Variants in SPOCK3 observed in about 807,000 individuals in gnomAD.
SPOCK3 encodes SPARC (osteonectin), cwcv and kazal like domains proteoglycan 3, also known as testican-3.
SPOCK3 carries 30 observed loss-of-function variants against 56.6 expected under a neutral mutation model. The observed-to-expected ratio is 0.53, with a 90% CI of 0.40 to 0.72. SPOCK3 has a LOEUF of 0.72. SPOCK3 is among the 30% of genes least tolerant of loss of function. The pLI is 0.00. For synonymous variants in SPOCK3, 196 were observed against 183.3 expected, an observed-to-expected ratio of 1.07 and a Z score of -0.56; for missense variants, 527 against 530.0, an observed-to-expected ratio of 0.99 and a Z score of 0.06.
chr4:166,972,346 AT>A (rs1479677113), intron 4 of SPOCK3, among the ~76,000 whole-genome samples: 2 of 152,160 alleles, frequency 1.3e-5, no homozygotes, highest in Admixed American at 1.3e-4. Context: ...GCTGGCCTTC[AT>A]CACTCAGCAA....
At chr4:166,851,860 C>T (rs1319075573) in intron 6 of SPOCK3, among the ~76,000 whole-genome samples, 14 of 151,492 alleles carry the variant, frequency 9.2e-5, no homozygotes, top group South Asian at 2.1e-4. Flanking sequence ...ATGTTTATTG[C>T]GGCATTATTC....
intron 3 of SPOCK3, among the ~76,000 whole-genome samples, chr4:167,024,228 T>G (rs1751475874): frequency 6.6e-6 from 1 of 152,042 alleles, no homozygotes; most frequent in Admixed American, 6.6e-5. Context: ...CTTTAATTAC[T>G]GATTTGTACA....
chr4:166,742,670 A>G lies in SPOCK3; in HGVS notation c.932-611T>C, dbSNP rs1735013198. 2.0e-5 allele frequency among the ~76,000 whole-genome samples: 3 copies of G among 152,246 alleles called. No individual in the cohort carries two copies. In the East Asian group the frequency reaches 5.8e-4, roughly 29 times the overall value. On this transcript the variant is annotated intron_variant, in intron 8 of 10. Transcript: ENST00000357545. ...CTTTTTAGTTTCAGCCATATATGCA[A>G]TTTAGGAACAGGATATAATATAAAA...
intron 4 of SPOCK3, among the ~76,000 whole-genome samples, chr4:166,928,341 A>G: frequency 6.6e-6 from 1 of 152,236 alleles, no homozygotes; most frequent in Non-Finnish European, 1.5e-5. Context: ...TCCTTCAGTA[A>G]GTGATTGAAT....
chr4:167,103,840 G>A (rs543151719), intron 2 of SPOCK3, among the ~76,000 whole-genome samples: 1 of 152,260 alleles, frequency 6.6e-6, no homozygotes, highest in Admixed American at 6.5e-5. Flanking sequence ...ACTGGTTGTG[G>A]CCACAGGGTT....
chr4:167,222,255 A>G (rs1286721836), intron 2 of SPOCK3, among the ~76,000 whole-genome samples: 3 of 152,014 alleles, frequency 2.0e-5, no homozygotes, highest in Admixed American at 1.3e-4. Context: ...AAATTCGTAG[A>G]AACAAAAAGT....
chr4:167,058,406 T>A (rs1755158719), intron 3 of SPOCK3, among the ~76,000 whole-genome samples: 1 of 152,048 alleles, frequency 6.6e-6, no homozygotes, highest in Admixed American at 6.6e-5. Context: ...CATAAGTGCT[T>A]CAAAGAGAAT....
intron 3 of SPOCK3, among the ~76,000 whole-genome samples, chr4:167,019,240 C>A (rs1750939617): frequency 6.6e-6 from 1 of 152,062 alleles, no homozygotes. Context: ...GGGTCTTTGG[C>A]ACCCATTTTA....
chr4:166,868,287 A>G (rs1732071667), intron 6 of SPOCK3, among the ~76,000 whole-genome samples: 2 of 132,736 alleles, frequency 1.5e-5, no homozygotes, highest in Non-Finnish European at 1.7e-5. Context: ...CTCTACAAAA[A>G]AAAAGAAAAG....
At chr4:166,998,242 T>G (rs1454981962) in intron 4 of SPOCK3, among the ~76,000 whole-genome samples, 2 of 152,130 alleles carry the variant, frequency 1.3e-5, no homozygotes, top group African/African-American at 4.8e-5. Flanking sequence ...CTAAATACTA[T>G]TTACATAAAA....
At chr4:166,736,792 A>C (rs978921747) in intron 10 of SPOCK3, among the ~76,000 whole-genome samples, 9 of 152,022 alleles carry the variant, frequency 5.9e-5, no homozygotes, top group Admixed American at 3.9e-4. Flanking sequence ...TGACACTTGC[A>C]TTCTAGAAAA....
chr4:166,954,084 TA>T (rs112199696), intron 4 of SPOCK3, among the ~76,000 whole-genome samples: 13,409 of 151,492 alleles, frequency 0.089, 723 homozygotes, highest in Middle Eastern at 0.2. Flanking sequence ...TAAAGTATAA[TA>T]AAAAAAAAGA....
chr4:167,213,318 C>T (rs1247273583), intron 2 of SPOCK3, among the ~76,000 whole-genome samples: 1 of 152,122 alleles, frequency 6.6e-6, no homozygotes, highest in Non-Finnish European at 1.5e-5. Context: ...AGCCAGAATG[C>T]CACAGAGATA....
At chr4:166,838,225 T>C (rs1746839771) in intron 6 of SPOCK3, among the ~76,000 whole-genome samples, 1 of 152,166 alleles carries the variant, frequency 6.6e-6, no homozygotes, top group Admixed American at 6.5e-5. Flanking sequence ...AAATGTGCCA[T>C]TTTCCACTGT....
chr4:166,793,168 A>C (rs1379531741), intron 6 of SPOCK3, among the ~76,000 whole-genome samples: 1 of 152,170 alleles, frequency 6.6e-6, no homozygotes, highest in African/African-American at 2.4e-5. Context: ...CAATTTCCTC[A>C]ACTAACAAGT....
chr4:166,817,576 AC>A (rs1744499831), intron 6 of SPOCK3, among the ~76,000 whole-genome samples: 1 of 152,056 alleles, frequency 6.6e-6, no homozygotes, highest in Non-Finnish European at 1.5e-5. Flanking sequence ...TCATGCAAAC[AC>A]AATATCCACT....
At chr4:166,783,623 A>G (rs1740415987) in intron 7 of SPOCK3, among the ~76,000 whole-genome samples, 1 of 152,142 alleles carries the variant, frequency 6.6e-6, no homozygotes, top group Non-Finnish European at 1.5e-5. Flanking sequence ...AATGTCTCAA[A>G]GGAATCATCA....
intron 6 of SPOCK3, among the ~76,000 whole-genome samples, chr4:166,866,719 A>C (rs1731879304): frequency 6.6e-6 from 1 of 152,136 alleles, no homozygotes; most frequent in African/African-American, 2.4e-5. Flanking sequence ...ATGAAAATTG[A>C]GTATTTCAAA....
intron 2 of SPOCK3, among the ~76,000 whole-genome samples, chr4:167,162,486 A>G (rs1212682478): frequency 6.6e-6 from 1 of 152,124 alleles, no homozygotes; most frequent in African/African-American, 2.4e-5. Context: ...TATCAAAAGT[A>G]AAATTTAGTT....
Sources: gnomAD v4.1 joint callset for allele counts (sites outside exome capture counted in the v4.1 genomes callset) on GRCh38, gnomAD v4.1.1 for gene constraint, MANE v1.5 for transcripts, NCBI Gene and HGNC (gene_info 2026-07-23, HGNC 2026-07-21) for gene names.